LRRC37A2: variants seen among roughly 807,000 people sequenced by gnomAD.
The protein encoded by LRRC37A2 is leucine-rich repeat-containing protein 37A2.
LRRC37A2 carries 9 observed loss-of-function variants against 68.8 expected under a neutral mutation model. The ratio of observed to expected loss-of-function variants is 0.13; its 90% confidence interval spans 0.08 to 0.23. LRRC37A2 has a LOEUF of 0.23. Ranked by LOEUF, LRRC37A2 falls within the 10% of genes least tolerant of loss-of-function variation. LRRC37A2 has a pLI of 1.00. For synonymous variants in LRRC37A2, 63 were observed against 367.6 expected (o/e 0.17, Z 9.48); for missense variants, 168 against 950.4 (o/e 0.18, Z 10.82).
At chr17:46,821,950 G>C in the LRRC37A2 span, among the ~76,000 whole-genome samples, 2 of 152,218 alleles carry the variant, frequency 1.3e-5, no homozygotes, top group Non-Finnish European at 2.9e-5. Flanking sequence ...GAAGGAGGAG[G>C]AAATCTCCGA....
the LRRC37A2 span, among the ~76,000 whole-genome samples, chr17:46,995,616 TG>T: frequency 2.6e-5 from 4 of 152,132 alleles, no homozygotes; most frequent in African/African-American, 9.7e-5. Flanking sequence ...TATTGTACCA[TG>T]GGGTAGAAGT....
the LRRC37A2 span, chr17:46,768,620 C>T: frequency 6.2e-7 from 1 of 1,614,202 alleles, no homozygotes; most frequent in African/African-American, 1.3e-5. This position sits in a 1 kb window ranked among gnomAD's most constrained non-coding sequence, Gnocchi z 5.0. Flanking sequence ...GGAGGGTCTC[C>T]ACCCAGCCTC....
At chr17:46,985,983 T>C in the LRRC37A2 span, among the ~76,000 whole-genome samples, 108,812 of 152,068 alleles carry the variant, frequency 0.72, 39,568 homozygotes, top group Middle Eastern at 0.78. Flanking sequence ...GAAAGTTGGT[T>C]AATACCTACG....
the LRRC37A2 span, chr17:46,923,122 C>T: frequency 2.7e-6 from 3 of 1,108,042 alleles, no homozygotes; most frequent in Non-Finnish European, 4.0e-6. Context: ...AAGCCGGAAA[C>T]CGGAAGGGGG....
At chr17:46,899,046 T>G in the LRRC37A2 span, among the ~76,000 whole-genome samples, 1 of 151,994 alleles carries the variant, frequency 6.6e-6, no homozygotes, top group African/African-American at 2.4e-5. Flanking sequence ...ATAAACAAAT[T>G]GTGGTATATC....
chr17:46,937,736 A>G, the LRRC37A2 span: 16,021 of 152,250 alleles, frequency 0.11, 928 homozygotes, highest in African/African-American at 0.13. Flanking sequence ...AGGTTCATTC[A>G]TATTGTTACC....
chr17:46,775,050 C>T, the LRRC37A2 span, among the ~76,000 whole-genome samples: 2 of 152,130 alleles, frequency 1.3e-5, no homozygotes, highest in Admixed American at 6.5e-5. Flanking sequence ...AAAGAGGGGC[C>T]GGGAGAAGAC....
chr17:47,000,602 ACTC>A, the LRRC37A2 span, among the ~76,000 whole-genome samples: 3 of 151,358 alleles, frequency 2.0e-5, no homozygotes, highest in East Asian at 1.9e-4. Flanking sequence ...ATGTCTCTCT[ACTC>A]CTCAATTGAA....
At chr17:46,695,329 A>G in the LRRC37A2 span, among the ~76,000 whole-genome samples, 1 of 122,984 alleles carries the variant, frequency 8.1e-6, no homozygotes, top group African/African-American at 3.3e-5. Flanking sequence ...TTATTCAGCA[A>G]ATATATTGAA....
the LRRC37A2 span, among the ~76,000 whole-genome samples, chr17:46,791,997 A>T: frequency 6.6e-6 from 1 of 152,176 alleles, no homozygotes; most frequent in Non-Finnish European, 1.5e-5. Flanking sequence ...CTGTGATTGC[A>T]CCACTGCACT....
the LRRC37A2 span, among the ~76,000 whole-genome samples, chr17:46,794,805 C>T: frequency 8.2e-5 from 12 of 146,206 alleles, no homozygotes; most frequent in Non-Finnish European, 1.6e-4. Context: ...GGCTGGAGTG[C>T]AGAGGTACGA....
the LRRC37A2 span, among the ~76,000 whole-genome samples, chr17:46,871,698 A>G: frequency 6.6e-6 from 1 of 152,230 alleles, no homozygotes; most frequent in African/African-American, 2.4e-5. Context: ...TAGCTAGAAC[A>G]TCAGCCTTAG....
At chr17:46,525,860 G>A (rs1257782690) in intron 6 of LRRC37A2, among the ~76,000 whole-genome samples, 17 of 89,914 alleles carry the variant, frequency 1.9e-4, no homozygotes, top group African/African-American at 7.1e-4. Context: ...AGGAGGAAGC[G>A]GATGCTGATG....
the LRRC37A2 span, among the ~76,000 whole-genome samples, chr17:47,009,684 G>A: frequency 6.6e-6 from 1 of 152,194 alleles, no homozygotes; most frequent in Admixed American, 6.5e-5. Flanking sequence ...GCCCCCAGGA[G>A]CTCAGCCTCC....
the LRRC37A2 span, among the ~76,000 whole-genome samples, chr17:46,720,143 G>T: frequency 6.6e-6 from 1 of 152,194 alleles, no homozygotes; most frequent in Non-Finnish European, 1.5e-5. Flanking sequence ...CTAAGCAACA[G>T]AATTTGGATG....
chr17:46,499,335 A>AAAG, the LRRC37A2 span, among the ~76,000 whole-genome samples: 2 of 89,104 alleles, frequency 2.2e-5, no homozygotes, highest in African/African-American at 4.0e-5. Context: ...AAAAAAAAAA[A>AAAG]GGTGGGGGGA....
At chr17:46,880,388 CT>C in the LRRC37A2 span, among the ~76,000 whole-genome samples, 1 of 152,176 alleles carries the variant, frequency 6.6e-6, no homozygotes, top group Non-Finnish European at 1.5e-5. Context: ...TTGAGCACCC[CT>C]TATGTCCATT....
At chr17:46,823,315 A>G in the LRRC37A2 span, among the ~76,000 whole-genome samples, 2 of 149,632 alleles carry the variant, frequency 1.3e-5, no homozygotes, top group African/African-American at 4.9e-5. Flanking sequence ...CCCAGGTTCA[A>G]GCGATTCTCC....
the LRRC37A2 span, among the ~76,000 whole-genome samples, chr17:46,946,282 CAAAAAAAA>C: frequency 1.5e-4 from 19 of 126,686 alleles, no homozygotes; most frequent in East Asian, 2.3e-4. Flanking sequence ...CTAAAAATAC[CAAAAAAAA>C]AAAAAAAAAA....
Sources: gnomAD v4.1 joint callset for allele counts (sites outside exome capture counted in the v4.1 genomes callset) on GRCh38, gnomAD v4.1.1 for gene constraint, Gnocchi (gnomAD v3.1) non-coding constraint, MANE v1.5 for transcripts, NCBI Gene and HGNC (gene_info 2026-07-23, HGNC 2026-07-21) for gene names.